The following CTNNA3 variants were observed in gnomAD, a reference collection of about 807,000 sequenced individuals.
CTNNA3 encodes catenin alpha 3.
Under a neutral mutation model 95.7 loss-of-function variants are expected in CTNNA3, and 76 were observed. The observed-to-expected ratio is 0.79, with a 90% CI of 0.66 to 0.96. CTNNA3 has a LOEUF of 0.96. CTNNA3 is among the 40% of genes least tolerant of loss of function. CTNNA3 has a pLI of 0.00. For missense variants in CTNNA3, 1,191 were observed against 1,089.8 expected (o/e 1.09, Z -1.31); for synonymous variants, 431 against 374.4 (o/e 1.15, Z -1.74).
At chr10:67,406,462 A>G (rs1845141166) in intron 5 of CTNNA3, among the ~76,000 whole-genome samples, 1 of 152,188 alleles carries the variant, frequency 6.6e-6, no homozygotes, top group Non-Finnish European at 1.5e-5. Flanking sequence ...TTCCCACATC[A>G]AAATGTTAAA....
chr10:66,105,505 T>C (rs949606668), intron 13 of CTNNA3, among the ~76,000 whole-genome samples: 2 of 152,216 alleles, frequency 1.3e-5, no homozygotes, highest in Non-Finnish European at 2.9e-5. Flanking sequence ...TATCCTATCA[T>C]GCAATGACAA....
intron 3 of CTNNA3, among the ~76,000 whole-genome samples, chr10:67,550,897 A>G (rs940129692): frequency 3.9e-5 from 6 of 152,160 alleles, no homozygotes; most frequent in Non-Finnish European, 8.8e-5. Context: ...AGAATTTCCC[A>G]TGGAGCTTCA....
At chr10:66,476,117 A>G (rs1217380503) in intron 11 of CTNNA3, among the ~76,000 whole-genome samples, 2 of 152,126 alleles carry the variant, frequency 1.3e-5, no homozygotes, top group Non-Finnish European at 2.9e-5. Flanking sequence ...CAGGAACAGA[A>G]AACCGAACAC....
At chr10:67,111,204 G>A (rs1314547409) in intron 7 of CTNNA3, among the ~76,000 whole-genome samples, 1 of 152,198 alleles carries the variant, frequency 6.6e-6, no homozygotes, top group Non-Finnish European at 1.5e-5. Context: ...GACAAGACTG[G>A]AAGAGGAAAA....
intron 7 of CTNNA3, among the ~76,000 whole-genome samples, chr10:66,937,898 TC>T (rs988152037): frequency 6.6e-6 from 1 of 151,846 alleles, no homozygotes; most frequent in African/African-American, 2.4e-5. Context: ...CTGTTTTTTT[TC>T]CCCCTCTCCC....
At chr10:66,549,927 A>G (rs1052168656) in intron 10 of CTNNA3, among the ~76,000 whole-genome samples, 1 of 152,182 alleles carries the variant, frequency 6.6e-6, no homozygotes, top group African/African-American at 2.4e-5. Context: ...CATGTGCAAG[A>G]ATGTATATTT....
At chr10:67,475,695 GA>G (rs1353850953) in intron 5 of CTNNA3, among the ~76,000 whole-genome samples, 1 of 152,106 alleles carries the variant, frequency 6.6e-6, no homozygotes, top group Non-Finnish European at 1.5e-5. Flanking sequence ...TAATTTCAAA[GA>G]TTTCTGTAAT....
At chr10:66,508,221 T>TTTTTTTTTTTTTTGTTTTTTTTTC in intron 11 of CTNNA3, among the ~76,000 whole-genome samples, 1 of 149,864 alleles carries the variant, frequency 6.7e-6, no homozygotes, top group Non-Finnish European at 1.5e-5. Flanking sequence ...TTTTTTTTTT[T>TTTTTTTTTTTTTTGTTTTTTTTTC]TTTAACAATT....
At chr10:66,175,981 G>C (rs1257646176) in intron 13 of CTNNA3, among the ~76,000 whole-genome samples, 1 of 152,054 alleles carries the variant, frequency 6.6e-6, no homozygotes, top group Non-Finnish European at 1.5e-5. Context: ...TTTATAATTA[G>C]GTAATTTTTC....
intron 5 of CTNNA3, among the ~76,000 whole-genome samples, chr10:67,454,455 T>A (rs1266045604): frequency 6.6e-6 from 1 of 152,140 alleles, no homozygotes; most frequent in Non-Finnish European, 1.5e-5. Context: ...ACTAAAGCAA[T>A]CTAGCTTTTC....
chr10:66,794,663 A>G (rs1335579206), intron 7 of CTNNA3, among the ~76,000 whole-genome samples: 1 of 152,128 alleles, frequency 6.6e-6, no homozygotes, highest in African/African-American at 2.4e-5. Flanking sequence ...TAAGATAACT[A>G]GGAAGTCTCC....
At chr10:67,508,415 T>G (rs1180123782) in intron 5 of CTNNA3, among the ~76,000 whole-genome samples, 3 of 152,090 alleles carry the variant, frequency 2.0e-5, no homozygotes, top group Non-Finnish European at 4.4e-5. Flanking sequence ...GTGGAAAAAA[T>G]AGTCTCTTCA....
In CTNNA3 at chr10:66,117,299, T is replaced by C. The variant is rs1042685824; in HGVS notation, c.1885-14050A>G. Among the ~76,000 whole-genome samples, 3 of 152,318 alleles carry C rather than the reference T, an allele frequency of 2.0e-5. No homozygotes were observed. The South Asian group carries it at 6.2e-4, about 32-fold the overall frequency. ...TGCTGTCAAAAATGTGAAATGCCTATATGAACTCTTATTACATAGTGTAAC... is the reference window on the plus strand; with the variant it reads ...TGCTGTCAAAAATGTGAAATGCCTACATGAACTCTTATTACATAGTGTAAC... On this transcript the variant is annotated intron_variant, in intron 13 of 17. Coordinates refer to ENST00000433211, the MANE Select transcript of CTNNA3 (RefSeq NM_013266.4).
rs74141755 is a variant in CTNNA3, at chr10:66,998,658, A to G, written c.1047+181659T>C. Among the ~76,000 whole-genome samples, 654 of 152,318 alleles carry G rather than the reference A, an allele frequency of 4.3e-3. 4 individuals are homozygous for G. Among genetic ancestry groups the G allele is most frequent in the Middle Eastern group, 0.02 (6 of 294 alleles). On this transcript the variant is annotated intron_variant, in intron 7 of 17. Transcript: ENST00000433211. ...ACAATAAAGAAGGAATCAGCAAAAA[A>G]TATAGTAATTCCAAACTCATATGTG...
chr10:67,398,433 AC>A (rs1018162994), intron 5 of CTNNA3, among the ~76,000 whole-genome samples: 12 of 152,150 alleles, frequency 7.9e-5, no homozygotes, highest in Admixed American at 2.0e-4. Flanking sequence ...CAACACCTGT[AC>A]CCCCATTTTA....
intron 5 of CTNNA3, among the ~76,000 whole-genome samples, chr10:67,272,977 G>A (rs1839043530): frequency 6.6e-6 from 1 of 151,910 alleles, no homozygotes; most frequent in Non-Finnish European, 1.5e-5. Context: ...AGCTCACATG[G>A]GTTCCCTCTC....
chr10:66,988,933 T>G (rs1380067145), intron 7 of CTNNA3, among the ~76,000 whole-genome samples: 2 of 152,066 alleles, frequency 1.3e-5, no homozygotes, highest in African/African-American at 2.4e-5. Context: ...AAGGATCATC[T>G]TCCTCTTCAT....
intron 16 of CTNNA3, among the ~76,000 whole-genome samples, chr10:65,976,827 T>G (rs1455318565): frequency 6.6e-6 from 1 of 152,172 alleles, no homozygotes; most frequent in East Asian, 1.9e-4. Flanking sequence ...CTTGGATTTT[T>G]TTTCTATTGA....
rs57644952 is a variant in CTNNA3, at chr10:66,170,241, C to CTTTTTT, written c.1885-66998_1885-66993dup. Among the ~76,000 whole-genome samples the CTTTTTT allele has an allele frequency of 1.7e-3, 121 of 73,290 alleles. 3 individuals are homozygous for CTTTTTT. Among genetic ancestry groups the CTTTTTT allele is most frequent in the Non-Finnish European group, 2.4e-3 (93 of 38,028 alleles). 48.1% of individuals were successfully genotyped at this position (73,290 alleles called of 152,430 possible). On this transcript the variant is annotated intron_variant, in intron 13 of 17. Transcript: ENST00000433211. ...CCAGTTGCATTCTCCTCCTCATTGT[C>CTTTTTT]TTTTTTTTTTTTTTTTTTTTTTTTT...
Sources: gnomAD v4.1 joint callset for allele counts (sites outside exome capture counted in the v4.1 genomes callset) on GRCh38, gnomAD v4.1.1 for gene constraint, MANE v1.5 for transcripts, NCBI Gene and HGNC (gene_info 2026-07-23, HGNC 2026-07-21) for gene names.